Variants in NETO2 observed in about 807,000 individuals in gnomAD.
The protein encoded by NETO2 is neuropilin and tolloid-like protein 2.
In NETO2, 28 loss-of-function variants were observed where a neutral mutation model predicts 62.5. That is an observed-to-expected ratio of 0.45 (90% CI 0.33 to 0.61). The LOEUF (loss-of-function observed/expected upper bound fraction) is 0.61. Ranked by LOEUF, NETO2 falls within the 20% of genes least tolerant of loss-of-function variation. The pLI, the probability that NETO2 is intolerant of heterozygous loss-of-function variation, is 0.02. For synonymous variants in NETO2, 214 were observed against 219.1 expected (o/e 0.98, Z 0.21); for missense variants, 548 against 643.2 (o/e 0.85, Z 1.60).
intron 7 of NETO2, among the ~76,000 whole-genome samples, chr16:47,104,251 A>G (rs938528113): frequency 6.6e-6 from 1 of 152,230 alleles, no homozygotes; most frequent in Non-Finnish European, 1.5e-5. Flanking sequence ...TAACAATTAG[A>G]AAAGGAAATT....
chr16:47,122,548 T>G lies in NETO2; in HGVS notation c.654+109A>C, dbSNP rs1194726984. 3.7e-5 allele frequency: 43 copies of G among 1,173,516 alleles called. No individual in the cohort carries two copies. The South Asian group carries it at 4.6e-4, about 13-fold the overall frequency. The allele number at this position is 1,173,516 out of a possible 1,614,324, so 72.7% of individuals were successfully genotyped here. A position where few individuals can be genotyped will look rare whatever the true frequency, so the allele number is the denominator to read the frequency against. On this transcript the variant is annotated intron_variant, in intron 6 of 8. Coordinates refer to ENST00000562435, the MANE Select transcript of NETO2 (RefSeq NM_018092.5). Reference sequence around the variant, plus strand: ...TAAAATACATTTTAAAAAGTTGCAGTATCAGTTTATGTAGTCAATAAATAT... The same window carrying G: ...TAAAATACATTTTAAAAAGTTGCAGGATCAGTTTATGTAGTCAATAAATAT...
At chr16:47,121,694 C>T (rs1365898083) in intron 6 of NETO2, among the ~76,000 whole-genome samples, 1 of 152,210 alleles carries the variant, frequency 6.6e-6, no homozygotes, top group South Asian at 2.1e-4. Flanking sequence ...AACCCCAGGA[C>T]TCTTCTTTTC....
chr16:47,139,363 C>T (rs938171808), intron 1 of NETO2, among the ~76,000 whole-genome samples: 1 of 152,194 alleles, frequency 6.6e-6, no homozygotes, highest in African/African-American at 2.4e-5. Context: ...GATTCCCCCC[C>T]ACCCTCCTGA....
chr16:47,086,123 G>C, intron 8 of NETO2, 103 bp downstream of exon 8: 1 of 758,974 alleles, frequency 1.3e-6, no homozygotes, highest in South Asian at 1.4e-5. Context: ...CAAACAAAAA[G>C]CAGCTATGCT....
rs569199656 is a variant in NETO2 at position 47,110,804 on chromosome 16, T to TC, written c.655-1094dup. Among the ~76,000 whole-genome samples the TC allele has an allele frequency of 2.8e-3, 421 of 149,918 alleles. 1 individual carries two copies. The highest frequency in any genetic ancestry group is 2.8e-3 in the Non-Finnish European group (189 of 67,340). ...AAAACAAAAATGTCATGTCATATAT[T>TC]CCCCCCCCACCCCACCAAATACCTT... On this transcript the variant is annotated intron_variant, in intron 6 of 8. Transcript: ENST00000562435.
At chr16:47,099,846 C>A (rs1963505227) in intron 7 of NETO2, among the ~76,000 whole-genome samples, 2 of 152,082 alleles carry the variant, frequency 1.3e-5, no homozygotes, top group African/African-American at 4.8e-5. Flanking sequence ...CTTAAGACTC[C>A]CACACAATAA....
At chr16:47,095,359 T>C (rs1425923698) in intron 7 of NETO2, among the ~76,000 whole-genome samples, 1 of 152,058 alleles carries the variant, frequency 6.6e-6, no homozygotes, top group Admixed American at 6.6e-5. Flanking sequence ...ACCTTCCTCA[T>C]CAGCAATTAA....
At chr16:47,133,831 A>C (rs1964318283) in intron 1 of NETO2, among the ~76,000 whole-genome samples, 1 of 152,176 alleles carries the variant, frequency 6.6e-6, no homozygotes, top group Admixed American at 6.5e-5. Context: ...TGGACTTCTA[A>C]CTATAATGAG....
At position 47,083,168 on chromosome 16, in the gene NETO2, T is replaced by C. The variant is rs1433478344; in HGVS notation, c.*53A>G. The C allele has an allele frequency of 3.4e-5, 50 of 1,486,706 alleles. No individual in the cohort carries two copies. Among genetic ancestry groups the C allele is most frequent in the Non-Finnish European group, 4.6e-5 (50 of 1,093,370 alleles). 92.1% of individuals were successfully genotyped at this position (1,486,706 alleles called of 1,614,324 possible). A position where few individuals can be genotyped will look rare whatever the true frequency, so the allele number is the denominator to read the frequency against. ...GGCTGCTGGAAACAGTATGGTGCCCTGGAGGCTGCGTACGTACACACCCTA... is the reference window on the plus strand; with the variant it reads ...GGCTGCTGGAAACAGTATGGTGCCCCGGAGGCTGCGTACGTACACACCCTA... On this transcript the variant is annotated 3_prime_UTR_variant, in exon 9 of 9. Coordinates refer to ENST00000562435, the MANE Select transcript of NETO2 (RefSeq NM_018092.5).
intron 6 of NETO2, among the ~76,000 whole-genome samples, chr16:47,121,293 A>T (rs1340519661): frequency 6.6e-6 from 1 of 152,110 alleles, no homozygotes; most frequent in Non-Finnish European, 1.5e-5. Flanking sequence ...TAGGGGTTTT[A>T]GAATCTGCGG....
chr16:47,083,250 C>A lies in NETO2; in HGVS notation c.1549G>T (p.Ala517Ser). 1 of 1,613,100 alleles carries A rather than the reference C, an allele frequency of 6.2e-7. No individual in the cohort carries two copies. Among genetic ancestry groups the A allele is most frequent in the East Asian group, 2.2e-5 (1 of 44,880 alleles). ...AAGTCAATGGATATGGATGCTTGTG[C>A]AGAATCTTCTCGCCCCCTGACATAA... ...EIYVRGREDSAQASISIDF is the reference protein window; with the variant it reads ...EIYVRGREDSSQASISIDF Residue 517 changes from alanine (A) to serine (S), a missense_variant, in exon 9 of 9, where the codon GCA becomes TCA. Transcript: ENST00000562435.
intron 8 of NETO2, 86 bp from the exon 9 acceptor site, chr16:47,083,887 A>G (rs1963126992): frequency 5.7e-6 from 6 of 1,049,022 alleles, no homozygotes; most frequent in Non-Finnish European, 8.2e-6. Flanking sequence ...TTTTAGGTAA[A>G]ACAGAATACT....
chr16:47,085,402 C>T (rs1191790946), intron 8 of NETO2, among the ~76,000 whole-genome samples: 5 of 150,968 alleles, frequency 3.3e-5, no homozygotes, highest in East Asian at 2.0e-4. Flanking sequence ...TTGGATGAGA[C>T]GGAGTTTTCA....
intron 8 of NETO2, among the ~76,000 whole-genome samples, chr16:47,084,595 ACTC>A (rs765008318): frequency 6.6e-6 from 1 of 152,170 alleles, no homozygotes; most frequent in Non-Finnish European, 1.5e-5. Flanking sequence ...TAGGAAATAA[ACTC>A]CTGGCTTGGA....
At chr16:47,119,442 C>T (rs1192040376) in intron 6 of NETO2, among the ~76,000 whole-genome samples, 1 of 152,084 alleles carries the variant, frequency 6.6e-6, no homozygotes, top group Non-Finnish European at 1.5e-5. Flanking sequence ...TGAACCACTG[C>T]ACCCGGCCTA....
chr16:47,130,874 C>G (rs1027733255), intron 2 of NETO2, among the ~76,000 whole-genome samples: 1 of 152,078 alleles, frequency 6.6e-6, no homozygotes. Flanking sequence ...CACTTACGAT[C>G]TGACCCTTTA....
Position 47,143,644 on chromosome 16 carries a change from C to A in NETO2, c.-32G>T. 8.2e-7 allele frequency: 1 copy of A among 1,220,070 alleles called. No individual in the cohort carries two copies. Among genetic ancestry groups the A allele is most frequent in the Non-Finnish European group, 1.0e-6 (1 of 977,546 alleles). 75.6% of individuals were successfully genotyped at this position (1,220,070 alleles called of 1,614,324 possible). A position where few individuals can be genotyped will look rare whatever the true frequency, so the allele number is the denominator to read the frequency against. On this transcript the variant is annotated 5_prime_UTR_variant, in exon 1 of 9. Coordinates refer to ENST00000562435, the MANE Select transcript of NETO2 (RefSeq NM_018092.5). ...GAGCTGCCCGGCGCTTCGCGAAGGG[C>A]TGAGGTAGCGGCGGCGGTGGCTCGG... is the stretch of plus-strand genomic sequence containing the variant.
chr16:47,120,891 A>T (rs540810841), intron 6 of NETO2, among the ~76,000 whole-genome samples: 1 of 149,156 alleles, frequency 6.7e-6, no homozygotes, highest in Admixed American at 6.7e-5. Flanking sequence ...AGTTCTTGAA[A>T]TTTTTTTTTT....
chr16:47,135,613 C>G (rs1054659592), intron 1 of NETO2, among the ~76,000 whole-genome samples: 1 of 152,102 alleles, frequency 6.6e-6, no homozygotes, highest in African/African-American at 2.4e-5. Flanking sequence ...AAGACAGGTG[C>G]TATTCAGGCT....
Sources: gnomAD v4.1 joint callset for allele counts (sites outside exome capture counted in the v4.1 genomes callset) on GRCh38, gnomAD v4.1.1 for gene constraint, MANE v1.5 for transcripts, NCBI Gene and HGNC (gene_info 2026-07-23, HGNC 2026-07-21) for gene names.